The following APBB2 variants were observed in gnomAD, a reference collection of about 807,000 sequenced individuals.
The protein encoded by APBB2 is amyloid beta precursor protein binding family B member 2.
APBB2 carries 38 observed loss-of-function variants against 82.5 expected under a neutral mutation model. The observed-to-expected ratio is 0.46, with a 90% CI of 0.36 to 0.60. The LOEUF (loss-of-function observed/expected upper bound fraction) is 0.60, where lower values mean the gene tolerates loss of function less well. Ranked by LOEUF, APBB2 falls within the 20% of genes least tolerant of loss-of-function variation. The pLI, the probability that APBB2 is intolerant of heterozygous loss-of-function variation, is 0.00. For synonymous variants in APBB2, 341 were observed against 368.2 expected (o/e 0.93, Z 0.85); for missense variants, 772 against 972.3 (o/e 0.79, Z 2.74).
intron 12 of APBB2, among the ~76,000 whole-genome samples, chr4:40,857,644 C>G (rs996298597): frequency 4.6e-5 from 7 of 151,948 alleles, no homozygotes; most frequent in African/African-American, 1.7e-4. Flanking sequence ...CTAATTTTTC[C>G]TATTTAGTAG....
intron 12 of APBB2, among the ~76,000 whole-genome samples, chr4:40,868,173 T>C (rs976407224): frequency 5.3e-5 from 8 of 152,100 alleles, no homozygotes; most frequent in African/African-American, 1.4e-4. Flanking sequence ...TAAAGTATGG[T>C]CCACAGACAG....
intron 6 of APBB2, among the ~76,000 whole-genome samples, chr4:40,945,457 G>A (rs984121658): frequency 2.6e-5 from 4 of 151,126 alleles, no homozygotes; most frequent in African/African-American, 7.3e-5. Flanking sequence ...AGATTTATTG[G>A]TTGGCATCAT....
chr4:41,182,702 T>C (rs1387111163), intron 1 of APBB2, among the ~76,000 whole-genome samples: 3 of 152,140 alleles, frequency 2.0e-5, no homozygotes, highest in Admixed American at 1.3e-4. Flanking sequence ...CTTACAATCA[T>C]GGCAGAAGGT....
chr4:40,932,835 G>A (rs891419850), intron 10 of APBB2, among the ~76,000 whole-genome samples: 1 of 152,146 alleles, frequency 6.6e-6, no homozygotes, highest in Non-Finnish European at 1.5e-5. Flanking sequence ...CCTTTCTTCC[G>A]TATGCTTTCT....
At chr4:41,026,933 T>A (rs540958477) in intron 5 of APBB2, among the ~76,000 whole-genome samples, 53 of 152,194 alleles carry the variant, frequency 3.5e-4, no homozygotes, top group African/African-American at 1.3e-3. Context: ...GACCTTCAGG[T>A]CTCTCAAAAA....
intron 2 of APBB2, among the ~76,000 whole-genome samples, chr4:41,121,226 C>T (rs938590856): frequency 3.3e-5 from 5 of 152,304 alleles, no homozygotes; most frequent in Middle Eastern, 3.4e-3. Context: ...AGAAATGATA[C>T]TTTTAAAAAA....
At chr4:41,078,005 C>A (rs905124733) in intron 3 of APBB2, among the ~76,000 whole-genome samples, 1 of 152,100 alleles carries the variant, frequency 6.6e-6, no homozygotes, top group Non-Finnish European at 1.5e-5. Flanking sequence ...TACCAAGCAA[C>A]AAAATTTTAA....
At chr4:41,166,272 A>C (rs1055386139) in intron 1 of APBB2, among the ~76,000 whole-genome samples, 30 of 152,022 alleles carry the variant, frequency 2.0e-4, no homozygotes, top group African/African-American at 6.5e-4. Context: ...TTGGTAGCTC[A>C]CGCCTGTAAT....
intron 1 of APBB2, among the ~76,000 whole-genome samples, chr4:41,153,887 T>A (rs552285467): frequency 6.6e-6 from 1 of 152,344 alleles, no homozygotes; most frequent in African/African-American, 2.4e-5. Context: ...TATAAATCTA[T>A]CACTGCTTTA....
At chr4:41,107,026 T>C (rs1183240776) in intron 2 of APBB2, among the ~76,000 whole-genome samples, 1 of 151,532 alleles carries the variant, frequency 6.6e-6, no homozygotes, top group African/African-American at 2.4e-5. Flanking sequence ...AAAAAAGATG[T>C]TGACCAGGCA....
intron 10 of APBB2, among the ~76,000 whole-genome samples, chr4:40,919,309 C>T (rs1222418851): frequency 6.6e-6 from 1 of 152,168 alleles, no homozygotes; most frequent in Admixed American, 6.5e-5. Flanking sequence ...CAAACACCCC[C>T]ATTAACATAT....
intron 1 of APBB2, among the ~76,000 whole-genome samples, chr4:41,175,817 C>G (rs1021696674): frequency 6.6e-6 from 1 of 152,096 alleles, no homozygotes; most frequent in African/African-American, 2.4e-5. Context: ...CAGCAAAAGA[C>G]TGGAAGGCAA....
At chr4:41,192,949 T>G (rs916692042) in intron 1 of APBB2, among the ~76,000 whole-genome samples, 2 of 152,196 alleles carry the variant, frequency 1.3e-5, no homozygotes, top group Non-Finnish European at 2.9e-5. Flanking sequence ...CCAATCCAAG[T>G]CACTCGCCAA....
chr4:41,040,931 A>G (rs1421846106), intron 4 of APBB2, among the ~76,000 whole-genome samples: 2 of 152,050 alleles, frequency 1.3e-5, no homozygotes, highest in Non-Finnish European at 2.9e-5. Flanking sequence ...CCCAGGCTGG[A>G]GTGCAGTGTC....
intron 12 of APBB2, among the ~76,000 whole-genome samples, chr4:40,863,057 G>C (rs1342953994): frequency 6.6e-6 from 1 of 152,190 alleles, no homozygotes; most frequent in African/African-American, 2.4e-5. Context: ...GAGAAAGTCA[G>C]ATGACAGATA....
At position 41,127,103 on chromosome 4, in the gene APBB2, TAGCTACCTTTCTA is replaced by T. The variant is rs1204496148; in HGVS notation, c.-261+15871_-261+15883del. On this transcript the variant is annotated intron_variant, in intron 2 of 17. Transcript: ENST00000508593. This position sits in a 1 kb window ranked among gnomAD's most constrained non-coding sequence, Gnocchi z 4.8. ...ATTCATTTCTCACTTACTTAAAGATTAGCTACCTTTCTAATATAATGAAAGGATACTACATTCT... is the reference window on the plus strand; with the variant it reads ...ATTCATTTCTCACTTACTTAAAGATTATATAATGAAAGGATACTACATTCT... 6.6e-6 allele frequency among the ~76,000 whole-genome samples: 1 copy of T among 152,106 alleles called. No individual in the cohort carries two copies. The highest frequency in any genetic ancestry group is 1.5e-5 in the Non-Finnish European group (1 of 68,022).
At chr4:41,059,221 G>A (rs1728880641) in intron 4 of APBB2, among the ~76,000 whole-genome samples, 1 of 152,224 alleles carries the variant, frequency 6.6e-6, no homozygotes, top group Non-Finnish European at 1.5e-5. Context: ...AGCACTTTGG[G>A]AGGCCGAGGC....
chr4:40,828,243 A>G (rs759240688), intron 13 of APBB2, among the ~76,000 whole-genome samples: 13 of 152,196 alleles, frequency 8.5e-5, no homozygotes, highest in Non-Finnish European at 1.9e-4. Context: ...TGTAAGGGAC[A>G]CTGATGTCTG....
intron 2 of APBB2, among the ~76,000 whole-genome samples, chr4:41,136,452 T>C (rs903740668): frequency 2.0e-5 from 3 of 152,222 alleles, no homozygotes; most frequent in African/African-American, 7.2e-5. Context: ...GATAATTCCA[T>C]GTTGCTCTAT....
Sources: allele counts gnomAD v4.1 joint callset (sites outside exome capture counted in the v4.1 genomes callset), GRCh38; gene constraint gnomAD v4.1.1; non-coding constraint Gnocchi (gnomAD v3.1); transcripts MANE v1.5; gene names NCBI Gene and HGNC (gene_info 2026-07-23, HGNC 2026-07-21).